RGS5: variants seen among roughly 807,000 people sequenced by gnomAD.
RGS5 encodes regulator of G protein signaling 5, also known as regulator of G-protein signalling 5.
RGS5 carries 20 observed loss-of-function variants against 18.9 expected under a neutral mutation model. The ratio of observed to expected loss-of-function variants is 1.06; its 90% CI spans 0.74 to 1.54. The LOEUF is 1.54. RGS5 is among the 40% of genes most tolerant of loss of function. The pLI, the probability that RGS5 is intolerant of heterozygous loss-of-function variation, is 0.00. For synonymous variants in RGS5, 57 were observed against 76.2 expected (o/e 0.75, Z 1.31); for missense variants, 201 against 211.8 (o/e 0.95, Z 0.32).
intron 2 of RGS5, among the ~76,000 whole-genome samples, chr1:163,275,343 T>G (rs1309650793): frequency 6.6e-6 from 1 of 152,154 alleles, no homozygotes; most frequent in Non-Finnish European, 1.5e-5. Flanking sequence ...AAGATTTCAC[T>G]GTTAAATGTC....
intron 1 of RGS5, among the ~76,000 whole-genome samples, chr1:163,170,560 C>T (rs888913248): frequency 4.0e-5 from 6 of 151,742 alleles, no homozygotes; most frequent in East Asian, 1.9e-4. Flanking sequence ...TTTGCAGTTA[C>T]GGATATTAGG....
intron 4 of RGS5, 81 bp from the exon 5 acceptor site, chr1:163,147,584 C>A: frequency 7.9e-7 from 1 of 1,264,766 alleles, no homozygotes; most frequent in Non-Finnish European, 1.1e-6. Context: ...TGGAATTTCT[C>A]ATCAATAAAA....
chr1:163,236,793 T>C (rs973828116), intron 2 of RGS5, among the ~76,000 whole-genome samples: 7 of 151,992 alleles, frequency 4.6e-5, no homozygotes, highest in Non-Finnish European at 7.4e-5. Flanking sequence ...AAAACCCATC[T>C]CTACTAAAAA....
At chr1:163,161,482 CA>C (rs1242870796) in intron 3 of RGS5, among the ~76,000 whole-genome samples, 1 of 152,158 alleles carries the variant, frequency 6.6e-6, no homozygotes, top group African/African-American at 2.4e-5. Context: ...GAGCAGTTGA[CA>C]GTATAATAGT....
At chr1:163,269,216 T>C (rs1341563466) in intron 2 of RGS5, among the ~76,000 whole-genome samples, 1 of 152,086 alleles carries the variant, frequency 6.6e-6, no homozygotes, top group African/African-American at 2.4e-5. Context: ...TGTACACATA[T>C]ATGAAAAGGG....
At chr1:163,168,218 C>T in intron 2 of RGS5, 40 bp downstream of exon 2, 1 of 1,441,940 alleles carries the variant, frequency 6.9e-7, no homozygotes, top group South Asian at 1.1e-5. Flanking sequence ...AAATAGCCAT[C>T]CTCTGGAGGA....
At chr1:163,285,460 C>T (rs755380772) in intron 2 of RGS5, among the ~76,000 whole-genome samples, 6 of 152,016 alleles carry the variant, frequency 3.9e-5, no homozygotes, top group Non-Finnish European at 7.4e-5. Flanking sequence ...GAGGCTGAGG[C>T]ATTATTTGAA....
At chr1:163,284,996 A>T (rs559762563) in intron 2 of RGS5, among the ~76,000 whole-genome samples, 3 of 152,276 alleles carry the variant, frequency 2.0e-5, no homozygotes, top group South Asian at 2.1e-4. Context: ...GGTAGCAGGT[A>T]AGAAAGAATG....
intron 1 of RGS5, among the ~76,000 whole-genome samples, chr1:163,183,529 C>T (rs1658945954): frequency 1.3e-5 from 2 of 152,158 alleles, no homozygotes; most frequent in South Asian, 2.1e-4. Flanking sequence ...TGAATTAGCA[C>T]ACCTGAAGGT....
At chr1:163,278,469 G>C (rs1425585200) in intron 2 of RGS5, among the ~76,000 whole-genome samples, 2 of 152,004 alleles carry the variant, frequency 1.3e-5, no homozygotes, top group East Asian at 3.9e-4. Context: ...AAATGCTTAA[G>C]GGAGATCATT....
At chr1:163,254,027 C>T (rs1370281619) in intron 2 of RGS5, among the ~76,000 whole-genome samples, 1 of 150,936 alleles carries the variant, frequency 6.6e-6, no homozygotes, top group East Asian at 1.9e-4. Context: ...ATATGTGCCA[C>T]ATTTTCTTAA....
chr1:163,174,310 G>C (rs1043318374), intron 1 of RGS5, among the ~76,000 whole-genome samples: 2 of 152,180 alleles, frequency 1.3e-5, no homozygotes, highest in African/African-American at 4.8e-5. Context: ...CAAGAGCAGA[G>C]TGAACATTTG....
chr1:163,223,230 A>G (rs1449269121), intron 2 of RGS5, among the ~76,000 whole-genome samples: 1 of 152,160 alleles, frequency 6.6e-6, no homozygotes, highest in Non-Finnish European at 1.5e-5. Context: ...CCTGTTGCCC[A>G]TTACAATAAA....
At chr1:163,206,554 T>G (rs12737418), upstream of RGS5, 19,601 of 152,138 alleles carry the variant, frequency 0.13, 1,567 homozygotes, top group Non-Finnish European at 0.18. Context: ...AACTTAATAA[T>G]CACCAATGTG....
intron 2 of RGS5, among the ~76,000 whole-genome samples, chr1:163,291,410 C>T (rs1649284791): frequency 2.0e-5 from 3 of 152,024 alleles, no homozygotes. Flanking sequence ...TAGTACTTAC[C>T]CCAAACTCAA....
At chr1:163,158,159 T>C (rs1457750183) in intron 3 of RGS5, among the ~76,000 whole-genome samples, 1 of 152,202 alleles carries the variant, frequency 6.6e-6, no homozygotes, top group Non-Finnish European at 1.5e-5. Flanking sequence ...TTCATGGTAT[T>C]CTATAGCTGA....
At chr1:163,171,198 C>T in intron 1 of RGS5, among the ~76,000 whole-genome samples, 1 of 152,100 alleles carries the variant, frequency 6.6e-6, no homozygotes, top group East Asian at 1.9e-4. Flanking sequence ...ACAAGAATTG[C>T]CAATTTTATA....
chr1:163,178,789 C>A (rs78944764), intron 1 of RGS5, among the ~76,000 whole-genome samples: 3 of 152,078 alleles, frequency 2.0e-5, no homozygotes, highest in Admixed American at 6.5e-5. Context: ...GGTGATGAAA[C>A]CATGGAAATC....
rs1328913297 is a variant in RGS5 at position 163,142,445 on chromosome 1, A to G, written c.*4897T>C. On this transcript the variant is annotated 3_prime_UTR_variant, in exon 5 of 5. Transcript: ENST00000313961. ...CTAAAGATAAACACAATTTTTCTTGAATTTAAAATATATGGGATAAATGCT... is the reference window on the plus strand; with the variant it reads ...CTAAAGATAAACACAATTTTTCTTGGATTTAAAATATATGGGATAAATGCT... The G allele has an allele frequency of 6.6e-6, 1 of 152,162 alleles. No individual in the cohort carries two copies. Among genetic ancestry groups the G allele is most frequent in the African/African-American group, 2.4e-5 (1 of 41,430 alleles). The allele number at this position is 152,162 out of a possible 1,614,324, so 9.4% of individuals were successfully genotyped here. A position where few individuals can be genotyped will look rare whatever the true frequency, so the allele number is the denominator to read the frequency against.
Sources: gnomAD v4.1 joint callset for allele counts (sites outside exome capture counted in the v4.1 genomes callset) on GRCh38, gnomAD v4.1.1 for gene constraint, MANE v1.5 for transcripts, NCBI Gene and HGNC (gene_info 2026-07-23, HGNC 2026-07-21) for gene names.